The following NETO1 variants were observed in gnomAD, a reference collection of about 807,000 sequenced individuals.
The protein encoded by NETO1 is neuropilin and tolloid-like protein 1.
A neutral mutation model predicts 61.3 loss-of-function variants in NETO1; 26 were observed. The observed-to-expected ratio is 0.42, with a 90% CI of 0.31 to 0.59. The LOEUF (loss-of-function observed/expected upper bound fraction) is 0.59. Ranked by LOEUF, NETO1 falls within the 20% of genes least tolerant of loss-of-function variation. The probability of loss-of-function intolerance (pLI) is 0.12; values close to 1 mark genes in which losing one functional copy is unlikely to be tolerated. For synonymous variants in NETO1, 225 were observed against 225.8 expected (o/e 1.00, Z 0.03); for missense variants, 531 against 662.8 (o/e 0.80, Z 2.18).
intron 7 of NETO1, among the ~76,000 whole-genome samples, chr18:72,763,667 A>T (rs548279684): frequency 6.6e-6 from 1 of 152,058 alleles, no homozygotes; most frequent in African/African-American, 2.4e-5. Context: ...ACACAGCCAC[A>T]GTCACACCTC....
At chr18:72,852,066 T>C (rs17086484) in intron 4 of NETO1, among the ~76,000 whole-genome samples, 3 of 152,150 alleles carry the variant, frequency 2.0e-5, no homozygotes, top group Non-Finnish European at 4.4e-5. Flanking sequence ...TAGGACCCCA[T>C]GTGTTCCAAT....
At chr18:72,816,446 C>G (rs17727194) in intron 4 of NETO1, among the ~76,000 whole-genome samples, 16,547 of 152,140 alleles carry the variant, frequency 0.11, 1,075 homozygotes, top group Middle Eastern at 0.22. Flanking sequence ...GAAAAGAAGT[C>G]CCTAGCATTC....
At position 72,750,363 on chromosome 18, in the gene NETO1, A is replaced by G; in HGVS notation, c.1240T>C (p.Phe414Leu). The G allele has an allele frequency of 6.2e-7, 1 of 1,614,074 alleles. No homozygotes were observed. Among genetic ancestry groups the G allele is most frequent in the Non-Finnish European group, 8.5e-7 (1 of 1,180,014 alleles). ...TADFADVADDFENYHKLRRSS... is the reference protein window; with the variant it reads ...TADFADVADDLENYHKLRRSS... The stretch of plus-strand genomic sequence containing the variant: ...CTCCGCAGTTTATGGTAATTTTCAA[A>G]GTCATCTGCCACATCTGCAAAGTCA... Residue 414 changes from phenylalanine to leucine, a missense_variant, in exon 9 of 11, where the codon TTT becomes CTT. By Grantham distance (22) the Phe-to-Leu change is conservative. Coordinates refer to ENST00000327305, the MANE Select transcript of NETO1 (RefSeq NM_138966.5).
intron 6 of NETO1, among the ~76,000 whole-genome samples, chr18:72,786,905 C>T (rs1278108025): frequency 2.0e-5 from 3 of 150,472 alleles, no homozygotes; most frequent in Non-Finnish European, 4.4e-5. Context: ...CAGAGCGAGA[C>T]CCCATCTCCA....
intron 4 of NETO1, among the ~76,000 whole-genome samples, chr18:72,844,890 A>G (rs1271064334): frequency 6.6e-6 from 1 of 152,206 alleles, no homozygotes; most frequent in Non-Finnish European, 1.5e-5. Flanking sequence ...CACACACCTC[A>G]TCCATCCTGA....
At chr18:72,795,217 C>A (rs565251693) in intron 4 of NETO1, among the ~76,000 whole-genome samples, 81 of 152,206 alleles carry the variant, frequency 5.3e-4, no homozygotes, top group African/African-American at 1.8e-3. Flanking sequence ...AGGTATGCAG[C>A]CAATGAAATA....
intron 4 of NETO1, among the ~76,000 whole-genome samples, chr18:72,840,346 C>T (rs1468604901): frequency 6.6e-6 from 1 of 152,206 alleles, no homozygotes; most frequent in Non-Finnish European, 1.5e-5. Context: ...TTCCTCCTTT[C>T]CATTTGCTAC....
chr18:72,821,205 C>A (rs13381601), intron 4 of NETO1, among the ~76,000 whole-genome samples: 1 of 131,616 alleles, frequency 7.6e-6, no homozygotes, highest in African/African-American at 3.0e-5. Flanking sequence ...GCAGTTTTTT[C>A]TTCTAAGCAT....
intron 4 of NETO1, among the ~76,000 whole-genome samples, chr18:72,827,685 C>T (rs1025793808): frequency 3.6e-5 from 5 of 140,122 alleles, no homozygotes; most frequent in African/African-American, 1.4e-4. Context: ...CACTGCACTT[C>T]ATCCTGGGCA....
intron 5 of NETO1, 23 bp from the exon 6 acceptor site, chr18:72,794,267 A>C: frequency 6.2e-7 from 1 of 1,614,090 alleles, no homozygotes; most frequent in Non-Finnish European, 8.5e-7. Context: ...ATGCCAAACA[A>C]ACACACAAAA....
intron 4 of NETO1, among the ~76,000 whole-genome samples, chr18:72,840,383 A>C (rs919953143): frequency 2.0e-5 from 3 of 152,238 alleles, no homozygotes; most frequent in Non-Finnish European, 4.4e-5. Context: ...GACCTAGCCC[A>C]GAAGCTATCA....
chr18:72,859,642 A>T (rs1372167365), intron 3 of NETO1, among the ~76,000 whole-genome samples: 1 of 152,174 alleles, frequency 6.6e-6, no homozygotes, highest in Non-Finnish European at 1.5e-5. Flanking sequence ...TTCAACACAC[A>T]TTATCCGTTA....
In NETO1 at chr18:72,750,272, C is replaced by A. The variant is rs750903661; in HGVS notation, c.1331G>T (p.Arg444Leu). ...GSQLSSTKGS[R>L]SNLSTRDASI... ...AGCATCTCTTGTGCTGAGGTTACTGCGGCTGCCTTTAGTGCTGGACAGCTG... is the reference window on the plus strand; with the variant it reads ...AGCATCTCTTGTGCTGAGGTTACTGAGGCTGCCTTTAGTGCTGGACAGCTG... Residue 444 changes from arginine to leucine, a missense_variant, in exon 9 of 11, where the codon CGC becomes CTC. By Grantham distance (102) the Arg-to-Leu change is moderately radical. Transcript: ENST00000327305. 4 of 1,613,906 alleles carry A rather than the reference C, an allele frequency of 2.5e-6. No individual in the cohort carries two copies. Among genetic ancestry groups the A allele is most frequent in the Non-Finnish European group, 8.5e-7 (1 of 1,179,966 alleles).
chr18:72,774,615 T>C (rs1048359324), intron 7 of NETO1, among the ~76,000 whole-genome samples: 1 of 152,190 alleles, frequency 6.6e-6, no homozygotes, highest in Non-Finnish European at 1.5e-5. Flanking sequence ...ATATCTCAAA[T>C]TGGATGAATT....
At chr18:72,776,690 C>T (rs2071559662) in intron 7 of NETO1, among the ~76,000 whole-genome samples, 1 of 152,132 alleles carries the variant, frequency 6.6e-6, no homozygotes, top group Non-Finnish European at 1.5e-5. Context: ...GAGGGCTCTG[C>T]TCCATAATGT....
intron 7 of NETO1, among the ~76,000 whole-genome samples, chr18:72,767,242 T>C (rs1288513436): frequency 3.3e-5 from 5 of 152,160 alleles, no homozygotes; most frequent in Non-Finnish European, 7.4e-5. Context: ...TAATTTTCTG[T>C]TTCCATATAA....
Position 72,748,149 on chromosome 18 carries a change from T to TATAA in NETO1, c.*26_*29dup. 1.0e-6 allele frequency: 1 copy of TATAA among 981,958 alleles called. No homozygotes were observed. The highest frequency in any genetic ancestry group is 1.2e-6 in the Non-Finnish European group (1 of 826,316). 60.8% of individuals were successfully genotyped at this position (981,958 alleles called of 1,614,324 possible). A position where few individuals can be genotyped will look rare whatever the true frequency, so the allele number is the denominator to read the frequency against. On this transcript the variant is annotated 3_prime_UTR_variant, in exon 11 of 11. Transcript: ENST00000327305. ...TTTCTTTTCACAGTCCCCATGTTTGTATAAATAGTTCTTCTCTGAAAATAA... is the reference window on the plus strand; with the variant it reads ...TTTCTTTTCACAGTCCCCATGTTTGTATAAATAAATAGTTCTTCTCTGAAAATAA...
chr18:72,820,499 T>C (rs1446947368), intron 4 of NETO1, among the ~76,000 whole-genome samples: 1 of 152,234 alleles, frequency 6.6e-6, no homozygotes, highest in Non-Finnish European at 1.5e-5. Context: ...GAGCTGTTTG[T>C]TCAACAGCCA....
intron 8 of NETO1, among the ~76,000 whole-genome samples, chr18:72,753,551 A>T (rs1380457482): frequency 6.6e-6 from 1 of 152,234 alleles, no homozygotes; most frequent in African/African-American, 2.4e-5. Flanking sequence ...AAGAGAGTTC[A>T]TGTTGAAAAC....
Sources: gnomAD v4.1 joint callset for allele counts (sites outside exome capture counted in the v4.1 genomes callset) on GRCh38, gnomAD v4.1.1 for gene constraint, MANE v1.5 for transcripts, NCBI Gene and HGNC (gene_info 2026-07-23, HGNC 2026-07-21) for gene names.